The following GOLGA6L9 variants were observed in gnomAD, a reference collection of about 807,000 sequenced individuals.
GOLGA6L9 encodes the protein golgin A6 family like 9, also known as golgin subfamily A member 6-like protein 9.
GOLGA6L9 carries 19 observed loss-of-function variants against 51.3 expected under a neutral mutation model. That is an observed-to-expected ratio of 0.37 (90% CI 0.26 to 0.54). The LOEUF is 0.54. Among genes scored for constraint, GOLGA6L9 ranks in the 20% least tolerant of loss-of-function variants. GOLGA6L9 has a pLI of 0.83. For missense variants in GOLGA6L9, 247 were observed against 464.1 expected (o/e 0.53, Z 4.30); for synonymous variants, 97 against 184.2 (o/e 0.53, Z 3.83).
At chr15:82,418,302 G>A in the GOLGA6L9 span, among the ~76,000 whole-genome samples, 5 of 152,294 alleles carry the variant, frequency 3.3e-5, no homozygotes, top group Admixed American at 1.3e-4. Flanking sequence ...AGTCTTCTGG[G>A]GGGAAATACA....
In GOLGA6L9 at chr15:82,438,086, GTTAA is replaced by G. The variant is rs1231782602; in HGVS notation, c.*1679_*1682del. ...CCCTCAGGCTAGAAATCGTACCACT[GTTAA>G]TTAGCCACATTATTTGGTCTAACAG... On this transcript the variant is annotated 3_prime_UTR_variant, in exon 9 of 9. Transcript: ENST00000618348. 11 of 148,832 alleles carry G rather than the reference GTTAA, an allele frequency of 7.4e-5. 1 individual carries two copies. Among genetic ancestry groups the G allele is most frequent in the Non-Finnish European group, 1.6e-4 (11 of 66,998 alleles). The allele number at this position is 148,832 out of a possible 1,614,324, so 9.2% of individuals were successfully genotyped here.
chr15:82,420,323 T>C, the GOLGA6L9 span, among the ~76,000 whole-genome samples: 1 of 151,996 alleles, frequency 6.6e-6, no homozygotes, highest in East Asian at 1.9e-4. Flanking sequence ...GAGAAACATG[T>C]CTACAGTTGT....
the GOLGA6L9 span, among the ~76,000 whole-genome samples, chr15:82,417,687 C>A: frequency 7.9e-5 from 12 of 152,300 alleles, no homozygotes; most frequent in African/African-American, 2.6e-4. Context: ...CAATGTCTGC[C>A]ATATACTTCC....
the GOLGA6L9 span, among the ~76,000 whole-genome samples, chr15:82,424,647 G>C: frequency 6.6e-6 from 1 of 151,602 alleles, no homozygotes; most frequent in African/African-American, 2.4e-5. Flanking sequence ...GTAATCGATG[G>C]AAGTTTTAGG....
At chr15:82,427,403 C>T (rs2031232271), upstream of GOLGA6L9, among the ~76,000 whole-genome samples, 2 of 152,086 alleles carry the variant, frequency 1.3e-5, no homozygotes, top group African/African-American at 4.8e-5. Context: ...TATTCCCTCC[C>T]TCCCTCCTTC....
Position 82,436,760 on chromosome 15 carries a change from A to C in GOLGA6L9, c.*349A>C, listed in dbSNP as rs1364263960. 1 of 182,144 alleles carries C rather than the reference A, an allele frequency of 5.5e-6. No homozygotes were observed. Among genetic ancestry groups the C allele is most frequent in the Non-Finnish European group, 1.1e-5 (1 of 90,980 alleles). The allele number at this position is 182,144 out of a possible 1,614,324, so 11.3% of individuals were successfully genotyped here. On this transcript the variant is annotated 3_prime_UTR_variant, in exon 9 of 9. Transcript: ENST00000618348. ...TTATAGGACGTTAGCATGCATATCGAGTTTGCCCTTATGTGGTGGGAGTTC... is the reference window on the plus strand; with the variant it reads ...TTATAGGACGTTAGCATGCATATCGCGTTTGCCCTTATGTGGTGGGAGTTC...
the GOLGA6L9 span, among the ~76,000 whole-genome samples, chr15:82,417,946 A>G: frequency 6.6e-6 from 1 of 152,256 alleles, no homozygotes; most frequent in Non-Finnish European, 1.5e-5. Context: ...TACACAAAGA[A>G]TAAAAATTTG....
chr15:82,417,297 C>T, the GOLGA6L9 span, among the ~76,000 whole-genome samples: 1 of 152,026 alleles, frequency 6.6e-6, no homozygotes, highest in Admixed American at 6.6e-5. Context: ...ATTTTTTTCC[C>T]TAGTATTCTT....
rs1270465330 is a variant in GOLGA6L9 at position 82,429,836 on chromosome 15, G to A, written c.-244G>A. Among the ~76,000 whole-genome samples, 1 of 152,144 alleles carries A rather than the reference G, an allele frequency of 6.6e-6. No individual in the cohort carries two copies. The highest frequency in any genetic ancestry group is 2.1e-4 in the South Asian group (1 of 4,826). ...GGCGGCCTCTCCCCTCTCTCTGAGT[G>A]GGCGGGGACAGCGGTTGCATGGGCA... On this transcript the variant is annotated 5_prime_UTR_variant, in exon 1 of 9. Transcript: ENST00000618348.
chr15:82,417,592 T>G, the GOLGA6L9 span, among the ~76,000 whole-genome samples: 1 of 152,246 alleles, frequency 6.6e-6, no homozygotes, highest in Non-Finnish European at 1.5e-5. Context: ...GCAAAAACTT[T>G]CTTCCTACTT....
Position 82,438,395 on chromosome 15 carries a change from T to C in GOLGA6L9, c.*1984T>C, listed in dbSNP as rs1047756. Reference sequence around the variant, plus strand: ...CTCTGTGTAGGTATTTTGTCATATGTTTAAGAAAAAGCTAAAGAGAATGGA... The same window carrying C: ...CTCTGTGTAGGTATTTTGTCATATGCTTAAGAAAAAGCTAAAGAGAATGGA... On this transcript the variant is annotated 3_prime_UTR_variant, in exon 9 of 9. Coordinates refer to ENST00000618348, the MANE Select transcript of GOLGA6L9 (RefSeq NM_198181.4). 1 of 151,486 alleles carries C rather than the reference T, an allele frequency of 6.6e-6. No individual in the cohort carries two copies. The highest frequency in any genetic ancestry group is 1.5e-5 in the Non-Finnish European group (1 of 67,800). 9.4% of individuals were successfully genotyped at this position (151,486 alleles called of 1,614,324 possible).
At chr15:82,420,006 A>G in the GOLGA6L9 span, 4 of 447,892 alleles carry the variant, frequency 8.9e-6, no homozygotes, top group Non-Finnish European at 1.8e-5. Flanking sequence ...ACTCGATAGA[A>G]TCAGTCATCA....
chr15:82,416,108 G>T, the GOLGA6L9 span: 2 of 152,280 alleles, frequency 1.3e-5, no homozygotes, highest in East Asian at 3.8e-4. Flanking sequence ...TGAAATGTGA[G>T]TGGGGTTTGG....
At chr15:82,429,162 T>C (rs2031305434), upstream of GOLGA6L9, among the ~76,000 whole-genome samples, 4 of 151,442 alleles carry the variant, frequency 2.6e-5, no homozygotes, top group Middle Eastern at 3.4e-3. Flanking sequence ...GCAACCTCCA[T>C]CTCCTGGGTT....
chr15:82,416,898 T>C, the GOLGA6L9 span, among the ~76,000 whole-genome samples: 1 of 152,204 alleles, frequency 6.6e-6, no homozygotes, highest in African/African-American at 2.4e-5. Context: ...TACAGTTTGG[T>C]GGTTTTTAGT....
At chr15:82,420,247 GTTAC>G in the GOLGA6L9 span, among the ~76,000 whole-genome samples, 2 of 152,124 alleles carry the variant, frequency 1.3e-5, no homozygotes, top group African/African-American at 4.8e-5. Context: ...GAAAATTAAA[GTTAC>G]TAACTGATAA....
chr15:82,435,390 C>G, intron 7 of GOLGA6L9: 1 of 301,278 alleles, frequency 3.3e-6, no homozygotes, highest in Non-Finnish European at 6.3e-6. Context: ...CCTGTAATCC[C>G]AGCTACTCAG....
the GOLGA6L9 span, among the ~76,000 whole-genome samples, chr15:82,419,768 A>G: frequency 6.6e-5 from 10 of 152,322 alleles, no homozygotes; most frequent in African/African-American, 2.4e-4. Context: ...CCTTTATTTA[A>G]GGTTTTAATT....
At chr15:82,420,768 C>T in the GOLGA6L9 span, among the ~76,000 whole-genome samples, 37 of 152,208 alleles carry the variant, frequency 2.4e-4, no homozygotes, top group East Asian at 5.6e-3. Context: ...AGGCTGTAAC[C>T]GTAATTCCAG....
Sources: allele counts gnomAD v4.1 joint callset (sites outside exome capture counted in the v4.1 genomes callset), GRCh38; gene constraint gnomAD v4.1.1; transcripts MANE v1.5; gene names NCBI Gene and HGNC (gene_info 2026-07-23, HGNC 2026-07-21).